The following TYW1B variants were observed in gnomAD, a reference collection of about 807,000 sequenced individuals.
TYW1B encodes tRNA-yW synthesizing protein 1 homolog B, also known as S-adenosyl-L-methionine-dependent tRNA 4-demethylwyosine synthase TYW1B.
Under a neutral mutation model 86.9 loss-of-function variants are expected in TYW1B, and 73 were observed. That is an observed-to-expected ratio of 0.84 (90% CI 0.70 to 1.02). The LOEUF (loss-of-function observed/expected upper bound fraction) is 1.02. Among genes scored for constraint, TYW1B ranks in the 50% least tolerant of loss-of-function variants. The pLI is 0.00. For synonymous variants in TYW1B, 248 were observed against 292.8 expected (o/e 0.85, Z 1.56); for missense variants, 637 against 827.4 (o/e 0.77, Z 2.82).
intron 2 of TYW1B, among the ~76,000 whole-genome samples, chr7:72,822,700 C>G (rs1294101999): frequency 6.6e-6 from 1 of 152,168 alleles, no homozygotes; most frequent in Non-Finnish European, 1.5e-5. Context: ...TAATCCTATC[C>G]TGTAATCCTA....
chr7:72,815,957 G>A (rs1404121505), intron 2 of TYW1B, among the ~76,000 whole-genome samples: 1 of 152,008 alleles, frequency 6.6e-6, no homozygotes, highest in Non-Finnish European at 1.5e-5. Flanking sequence ...TGAGCCCAGG[G>A]GTTAGAGGAT....
intron 2 of TYW1B, among the ~76,000 whole-genome samples, chr7:72,821,299 A>T (rs182276041): frequency 6.6e-6 from 1 of 152,324 alleles, no homozygotes; most frequent in African/African-American, 2.4e-5. Flanking sequence ...TGATAATGAG[A>T]AAGATTCTAC....
intron 11 of TYW1B, among the ~76,000 whole-genome samples, chr7:72,690,197 C>T (rs551418586): frequency 6.6e-6 from 1 of 152,256 alleles, no homozygotes; most frequent in African/African-American, 2.4e-5. Flanking sequence ...GGATCTTGAC[C>T]TTGGCATAAT....
intron 7 of TYW1B, among the ~76,000 whole-genome samples, chr7:72,756,710 CACAA>C (rs1417492724): frequency 4.1e-4 from 63 of 152,158 alleles, no homozygotes; most frequent in African/African-American, 1.4e-3. Flanking sequence ...GAGATACAGC[CACAA>C]ACAGTGACAA....
Position 72,632,476 on chromosome 7 carries a change from A to G in TYW1B, c.1507-3479T>C, listed in dbSNP as rs1563039080. On this transcript the variant is annotated intron_variant, in intron 11 of 13. Transcript: ENST00000620995. ...ATATATATATACATATATATATAAAATATATATATACACATATATACATAT... is the reference window on the plus strand; with the variant it reads ...ATATATATATACATATATATATAAAGTATATATATACACATATATACATAT... 2.7e-4 allele frequency among the ~76,000 whole-genome samples: 34 copies of G among 125,134 alleles called. 1 individual carries two copies. In the South Asian group the frequency reaches 7.8e-3, roughly 29 times the overall value. The allele number at this position is 125,134 out of a possible 152,430, so 82.1% of individuals were successfully genotyped here. A position where few individuals can be genotyped will look rare whatever the true frequency, so the allele number is the denominator to read the frequency against.
intron 11 of TYW1B, among the ~76,000 whole-genome samples, chr7:72,685,724 G>GGT (rs782767640): frequency 1.3e-5 from 2 of 152,108 alleles, no homozygotes; most frequent in Non-Finnish European, 2.9e-5. Flanking sequence ...TAACACAGGA[G>GGT]AAAGTCTAGA....
At chr7:72,687,589 TTATTA>T (rs1435252610) in intron 11 of TYW1B, among the ~76,000 whole-genome samples, 7 of 152,152 alleles carry the variant, frequency 4.6e-5, no homozygotes, top group Non-Finnish European at 4.4e-5. Context: ...TATAATTGAG[TTATTA>T]TATTATAATG....
At chr7:72,781,350 T>G (rs1271627358) in intron 6 of TYW1B, among the ~76,000 whole-genome samples, 1 of 152,120 alleles carries the variant, frequency 6.6e-6, no homozygotes, top group Non-Finnish European at 1.5e-5. Context: ...CCCCACGGCA[T>G]GCTCCAATCA....
intron 7 of TYW1B, among the ~76,000 whole-genome samples, chr7:72,775,638 A>G (rs1787940869): frequency 6.6e-6 from 1 of 152,178 alleles, no homozygotes; most frequent in South Asian, 2.1e-4. Flanking sequence ...ATTTTCAGAT[A>G]TACGAAAGCT....
At chr7:72,756,621 A>T (rs1437338599) in intron 7 of TYW1B, among the ~76,000 whole-genome samples, 1 of 152,142 alleles carries the variant, frequency 6.6e-6, no homozygotes, top group African/African-American at 2.4e-5. Context: ...CAGGCTGAGA[A>T]AAGGTCTGGC....
In TYW1B at chr7:72,578,114, ATTT is replaced by A. The variant is rs11428029; in HGVS notation, c.1786-2398_1786-2396del. 2.3e-5 allele frequency among the ~76,000 whole-genome samples: 3 copies of A among 129,186 alleles called. No homozygotes were observed. In the Admixed American group the frequency reaches 2.3e-4, roughly 10 times the overall value. The allele number at this position is 129,186 out of a possible 152,430, so 84.8% of individuals were successfully genotyped here. A position where few individuals can be genotyped will look rare whatever the true frequency, so the allele number is the denominator to read the frequency against. On this transcript the variant is annotated intron_variant, in intron 13 of 13. Coordinates refer to ENST00000620995, the MANE Select transcript of TYW1B (RefSeq NM_001145440.3). ...GAGGGCCCAGCCTCTCTTCCTCACC[ATTT>A]TTTTTTTTTTTTTTGAGACGGAGTC...
At chr7:72,674,586 A>G (rs1231124354) in intron 11 of TYW1B, among the ~76,000 whole-genome samples, 1 of 152,024 alleles carries the variant, frequency 6.6e-6, no homozygotes, top group Non-Finnish European at 1.5e-5. Context: ...AAGTCACCCA[A>G]CCACGCCTCC....
At chr7:72,619,580 G>A (rs1475813819) in intron 12 of TYW1B, among the ~76,000 whole-genome samples, 1 of 150,078 alleles carries the variant, frequency 6.7e-6, no homozygotes, top group South Asian at 2.1e-4. Context: ...AGCGGAGCTT[G>A]CAGTGAGCCG....
intron 7 of TYW1B, among the ~76,000 whole-genome samples, chr7:72,775,433 G>A (rs1787936973): frequency 6.6e-6 from 1 of 152,144 alleles, no homozygotes; most frequent in African/African-American, 2.4e-5. Context: ...TTGGGAGAAG[G>A]AGGATCCTAT....
chr7:72,664,446 A>G (rs1272077888), intron 11 of TYW1B, among the ~76,000 whole-genome samples: 1 of 152,140 alleles, frequency 6.6e-6, no homozygotes, highest in Non-Finnish European at 1.5e-5. Flanking sequence ...GACATAAAAA[A>G]GAACAAGATC....
chr7:72,679,988 C>T (rs1554448127), intron 11 of TYW1B, among the ~76,000 whole-genome samples: 1 of 152,086 alleles, frequency 6.6e-6, no homozygotes, highest in Non-Finnish European at 1.5e-5. Context: ...ATTAGCCGGG[C>T]GCAGTGGCGG....
intron 7 of TYW1B, among the ~76,000 whole-genome samples, chr7:72,750,631 A>T (rs1192735354): frequency 6.6e-6 from 1 of 152,108 alleles, no homozygotes; most frequent in Admixed American, 6.6e-5. Context: ...ACTTTCAACC[A>T]ATTATTTCTT....
chr7:72,661,953 A>C (rs1813338133), intron 11 of TYW1B, among the ~76,000 whole-genome samples: 1 of 152,054 alleles, frequency 6.6e-6, no homozygotes, highest in South Asian at 2.1e-4. Context: ...GAAGTTCTAG[A>C]AAACTAGGCA....
intron 7 of TYW1B, among the ~76,000 whole-genome samples, chr7:72,775,580 T>G (rs573422290): frequency 6.6e-6 from 1 of 152,226 alleles, no homozygotes; most frequent in Admixed American, 6.6e-5. Context: ...AGCAAAAAAT[T>G]ACTGAACTTG....
Sources: gnomAD v4.1 joint callset for allele counts (sites outside exome capture counted in the v4.1 genomes callset) on GRCh38, gnomAD v4.1.1 for gene constraint, MANE v1.5 for transcripts, NCBI Gene and HGNC (gene_info 2026-07-23, HGNC 2026-07-21) for gene names.